Variants in CALN1 observed in about 807,000 individuals in gnomAD.
The protein encoded by CALN1 is calcium-binding protein 8.
Under a neutral mutation model 30.6 loss-of-function variants are expected in CALN1, and 17 were observed. The observed-to-expected ratio is 0.56, with a 90% CI of 0.38 to 0.83. CALN1 has a LOEUF of 0.83. CALN1 is among the 40% of genes least tolerant of loss of function. The pLI is 0.00. For synonymous variants in CALN1, 156 were observed against 131.4 expected (o/e 1.19, Z -1.28); for missense variants, 291 against 354.9 (o/e 0.82, Z 1.45).
intron 5 of CALN1, among the ~76,000 whole-genome samples, chr7:71,951,145 T>C (rs902787930): frequency 6.6e-6 from 1 of 152,226 alleles, no homozygotes; most frequent in Non-Finnish European, 1.5e-5. Context: ...TCAGTTTAAT[T>C]ACTCAGTCAA....
chr7:72,116,584 C>T (rs987685074), intron 3 of CALN1, among the ~76,000 whole-genome samples: 5 of 152,202 alleles, frequency 3.3e-5, no homozygotes, highest in Non-Finnish European at 4.4e-5. Context: ...TCCTGGATGG[C>T]GCCATGCAAA....
At chr7:71,882,732 G>T (rs1369305708) in intron 5 of CALN1, among the ~76,000 whole-genome samples, 1 of 152,038 alleles carries the variant, frequency 6.6e-6, no homozygotes, top group Non-Finnish European at 1.5e-5. Flanking sequence ...TGCCCAGGCT[G>T]GAGTACAATG....
At chr7:71,867,980 C>T (rs1791688302) in intron 5 of CALN1, among the ~76,000 whole-genome samples, 1 of 152,124 alleles carries the variant, frequency 6.6e-6, no homozygotes, top group Non-Finnish European at 1.5e-5. Context: ...AGACATATCT[C>T]CTTTTTCATT....
Position 71,780,734 on chromosome 7 carries a change from T to C in CALN1, c.*7041A>G, listed in dbSNP as rs902142429. On this transcript the variant is annotated 3_prime_UTR_variant, in exon 7 of 7. Transcript: ENST00000395275. ...AGCAAAGAAAGAAATAACTGGAAATTGTGCTCTTTATTCAGTAGCTTTCAG... is the reference window on the plus strand; with the variant it reads ...AGCAAAGAAAGAAATAACTGGAAATCGTGCTCTTTATTCAGTAGCTTTCAG... 2 of 151,978 alleles carry C rather than the reference T, an allele frequency of 1.3e-5. No individual in the cohort carries two copies. The highest frequency in any genetic ancestry group is 2.4e-5 in the African/African-American group (1 of 41,378). 9.4% of individuals were successfully genotyped at this position (151,978 alleles called of 1,614,324 possible). A position where few individuals can be genotyped will look rare whatever the true frequency, so the allele number is the denominator to read the frequency against.
intron 2 of CALN1, among the ~76,000 whole-genome samples, chr7:72,374,907 T>C (rs1175289120): frequency 6.6e-6 from 1 of 152,232 alleles, no homozygotes; most frequent in Non-Finnish European, 1.5e-5. Context: ...GGATCATCTG[T>C]AAACACTGTG....
At chr7:72,495,173 C>T in the CALN1 span, among the ~76,000 whole-genome samples, 5 of 152,156 alleles carry the variant, frequency 3.3e-5, no homozygotes, top group Non-Finnish European at 7.4e-5. Flanking sequence ...CTTCCATTTT[C>T]CATTCCCATT....
chr7:71,945,908 G>A (rs931905304), intron 5 of CALN1, among the ~76,000 whole-genome samples: 1 of 152,104 alleles, frequency 6.6e-6, no homozygotes, highest in Non-Finnish European at 1.5e-5. Context: ...CACAAAACAG[G>A]TCCCTGGTGC....
chr7:72,114,280 A>G (rs1256856748), intron 3 of CALN1, among the ~76,000 whole-genome samples: 1,214 of 82,954 alleles, frequency 0.015, 54 homozygotes, highest in Non-Finnish European at 0.022. Context: ...AAGGGAAGGG[A>G]AGGGAAGGGA....
intron 6 of CALN1, among the ~76,000 whole-genome samples, chr7:71,803,389 A>G (rs1243057183): frequency 6.6e-6 from 1 of 152,132 alleles, no homozygotes; most frequent in African/African-American, 2.4e-5. Context: ...TTCTGTAGGG[A>G]ATTCCTTTTG....
At chr7:72,444,351 A>G (rs10434961) in intron 1 of CALN1, among the ~76,000 whole-genome samples, 10,851 of 152,110 alleles carry the variant, frequency 0.071, 616 homozygotes, top group East Asian at 0.31. Flanking sequence ...ATTTCCCCAC[A>G]AATGGATCTA....
At position 72,106,236 on chromosome 7, in the gene CALN1, C is replaced by T. The variant is rs773331549; in HGVS notation, c.303G>A (p.Gln101=). Residue 101 remains glutamine, a synonymous_variant, in exon 4 of 7, where the codon CAG becomes CAA. Coordinates refer to ENST00000395275, the MANE Select transcript of CALN1 (RefSeq NM_031468.4). ...DRDGNGFISK[Q]ELGMAMRSLG... ...AAGAGCGCATGGCCATGCCCAGCTC[C>T]TGCTTGGAGATGAAGCCGTTCCCAT... 6.2e-7 allele frequency: 1 copy of T among 1,614,092 alleles called. No homozygotes were observed. Among genetic ancestry groups the T allele is most frequent in the East Asian group, 2.2e-5 (1 of 44,830 alleles).
intron 5 of CALN1, among the ~76,000 whole-genome samples, chr7:71,865,305 TC>T (rs1430322832): frequency 6.6e-6 from 1 of 152,040 alleles, no homozygotes; most frequent in Non-Finnish European, 1.5e-5. Context: ...GTGTGACACC[TC>T]CCCTCTCTAT....
intron 1 of CALN1, among the ~76,000 whole-genome samples, chr7:72,408,961 A>G (rs1806904322): frequency 6.6e-6 from 1 of 151,846 alleles, no homozygotes; most frequent in Non-Finnish European, 1.5e-5. Context: ...TGCAGGTGTG[A>G]GCCACCACAC....
chr7:72,378,001 TC>T (rs1804669486), intron 2 of CALN1, among the ~76,000 whole-genome samples: 1 of 152,072 alleles, frequency 6.6e-6, no homozygotes, highest in African/African-American at 2.4e-5. Flanking sequence ...GCATTTTATT[TC>T]CCAGCCATTC....
chr7:72,486,278 T>G, the CALN1 span, among the ~76,000 whole-genome samples: 1 of 152,234 alleles, frequency 6.6e-6, no homozygotes, highest in South Asian at 2.1e-4. Context: ...AAAGTCATTA[T>G]GCAACGTGTG....
chr7:72,369,940 G>C (rs1804122688), intron 2 of CALN1, among the ~76,000 whole-genome samples: 1 of 152,166 alleles, frequency 6.6e-6, no homozygotes, highest in Non-Finnish European at 1.5e-5. Flanking sequence ...TCATGTTTGA[G>C]TCTTTCTATG....
intron 2 of CALN1, among the ~76,000 whole-genome samples, chr7:72,329,327 T>C (rs920764387): frequency 6.6e-6 from 1 of 152,224 alleles, no homozygotes; most frequent in African/African-American, 2.4e-5. Flanking sequence ...ACCACAGTAG[T>C]GCAGGCAGAA....
chr7:72,098,764 G>GCACACACACACA (rs1181933030), intron 4 of CALN1, among the ~76,000 whole-genome samples: 1 of 142,730 alleles, frequency 7.0e-6, no homozygotes, highest in African/African-American at 2.6e-5. Flanking sequence ...CATTTGGCGC[G>GCACACACACACA]CACACACACA....
intron 2 of CALN1, among the ~76,000 whole-genome samples, chr7:72,385,896 T>C (rs902103200): frequency 2.0e-5 from 3 of 152,232 alleles, no homozygotes; most frequent in Non-Finnish European, 2.9e-5. Flanking sequence ...TTTAACCTTT[T>C]TTATTTATAC....
Sources: allele counts gnomAD v4.1 joint callset (sites outside exome capture counted in the v4.1 genomes callset), GRCh38; gene constraint gnomAD v4.1.1; transcripts MANE v1.5; gene names NCBI Gene and HGNC (gene_info 2026-07-23, HGNC 2026-07-21).